The following PLA2G5 variants were observed in gnomAD, a reference collection of about 807,000 sequenced individuals.
PLA2G5 encodes the protein Ca2+-dependent phospholipase A2.
A neutral mutation model predicts 15.9 loss-of-function variants in PLA2G5; 12 were observed. The observed-to-expected ratio is 0.76, with a 90% CI of 0.48 to 1.23. PLA2G5 has a LOEUF of 1.23. Among genes scored for constraint, PLA2G5 ranks in the 50% most tolerant of loss-of-function variants. The pLI is 0.00. For synonymous variants in PLA2G5, 71 were observed against 71.4 expected, an observed-to-expected ratio of 0.99 and a Z score of 0.03; for missense variants, 169 against 177.1, an observed-to-expected ratio of 0.95 and a Z score of 0.26.
At chr1:20,082,025 C>T (rs1429862771) in intron 1 of PLA2G5, among the ~76,000 whole-genome samples, 1 of 151,388 alleles carries the variant, frequency 6.6e-6, no homozygotes. Flanking sequence ...GCACTCCAGC[C>T]TGGTGACAGA....
At chr1:20,075,870 T>C (rs9727382) in intron 1 of PLA2G5, among the ~76,000 whole-genome samples, 3 of 63,888 alleles carry the variant, frequency 4.7e-5, no homozygotes, top group African/African-American at 7.7e-5. Context: ...TTCTTTCTCT[T>C]TTTTTTTTTT....
chr1:20,064,789 G>A (rs574598359), intron 2 of PLA2G5, among the ~76,000 whole-genome samples: 1 of 152,090 alleles, frequency 6.6e-6, no homozygotes, highest in East Asian at 1.9e-4. Flanking sequence ...CTCCAGTCTT[G>A]TTTGTCTGCT....
rs772162334 is a variant in PLA2G5 at position 20,090,665 on chromosome 1, A to G, written c.390A>G (p.Gln130=). Residue 130 remains glutamine (Q), a synonymous_variant, in exon 5 of 5, where the codon CAA becomes CAG. Transcript: ENST00000375108. ...TACGGAGCTACAACCCACAGTACCA[A>G]TACTTTCCCAACATCCTCTGCTCCT... ...RNLRSYNPQY[Q]YFPNILCS The G allele has an allele frequency of 3.1e-6, 5 of 1,614,008 alleles. No individual in the cohort carries two copies. In the Middle Eastern group the frequency reaches 4.9e-4, roughly 160 times the overall value.
chr1:20,033,659 TTG>T (rs2013091659), intron 1 of PLA2G5, among the ~76,000 whole-genome samples: 1 of 152,164 alleles, frequency 6.6e-6, no homozygotes, highest in Non-Finnish European at 1.5e-5. Flanking sequence ...TTGTGGGGTG[TTG>T]CTGTATGTTT....
At chr1:20,060,038 T>G (rs1350556964) in intron 2 of PLA2G5, among the ~76,000 whole-genome samples, 3 of 151,860 alleles carry the variant, frequency 2.0e-5, no homozygotes, top group Admixed American at 1.3e-4. Flanking sequence ...AAGGAGGAAG[T>G]GTGATGTTGA....
chr1:20,089,698 TA>T, intron 3 of PLA2G5, 90 bp from the exon 4 acceptor site: 1 of 990,168 alleles, frequency 1.0e-6, no homozygotes, highest in Non-Finnish European at 1.6e-6. Flanking sequence ...TGGCCTCTGC[TA>T]AAGTGACATG....
At chr1:20,064,411 TA>T (rs2014906514) in intron 2 of PLA2G5, among the ~76,000 whole-genome samples, 1 of 151,148 alleles carries the variant, frequency 6.6e-6, no homozygotes, top group African/African-American at 2.4e-5. Context: ...CTGTCTCTAC[TA>T]AAAATACAAA....
chr1:20,074,780 T>A (rs1445019169), intron 1 of PLA2G5, among the ~76,000 whole-genome samples: 2 of 152,370 alleles, frequency 1.3e-5, no homozygotes, highest in East Asian at 3.9e-4. Context: ...AGCGCGTCCG[T>A]GCCTGGTGGG....
intron 1 of PLA2G5, among the ~76,000 whole-genome samples, chr1:20,056,062 C>CTA (rs1404651316): frequency 1.3e-5 from 2 of 152,172 alleles, no homozygotes; most frequent in African/African-American, 4.8e-5. Context: ...GGCTAAAAGG[C>CTA]TAAACACTGC....
At chr1:20,029,437 C>G (rs1359084627) in intron 1 of PLA2G5, among the ~76,000 whole-genome samples, 1 of 152,190 alleles carries the variant, frequency 6.6e-6, no homozygotes, top group Admixed American at 6.5e-5. Flanking sequence ...GTCCAGCTGC[C>G]TGTGTGTTCT....
chr1:20,073,908 G>T (rs2015524190), intron 1 of PLA2G5, among the ~76,000 whole-genome samples: 1 of 151,982 alleles, frequency 6.6e-6, no homozygotes, highest in Admixed American at 6.6e-5. Flanking sequence ...TCTGCTACCT[G>T]CTAATAATAT....
chr1:20,075,383 C>T lies in PLA2G5; in HGVS notation c.-11+4918C>T, dbSNP rs11573212. On this transcript the variant is annotated intron_variant, in intron 1 of 4. Coordinates refer to ENST00000375108, the MANE Select transcript of PLA2G5 (RefSeq NM_000929.3). Reference sequence around the variant, plus strand: ...AAGTTTCTGAGCAGTCACTTGGGGGCATGTCCCACCATCCTGTTAAAAATA... The same window carrying T: ...AAGTTTCTGAGCAGTCACTTGGGGGTATGTCCCACCATCCTGTTAAAAATA... 2.8e-4 allele frequency among the ~76,000 whole-genome samples: 42 copies of T among 152,320 alleles called. No homozygotes were observed. The South Asian group carries it at 3.9e-3, about 14-fold the overall frequency.
At chr1:20,053,967 T>C (rs2100422433) in intron 1 of PLA2G5, among the ~76,000 whole-genome samples, 1 of 152,334 alleles carries the variant, frequency 6.6e-6, no homozygotes, top group Admixed American at 6.5e-5. Context: ...AAACTTAAAA[T>C]TTAAAACAAA....
At chr1:20,038,431 G>C (rs1309480780) in intron 1 of PLA2G5, among the ~76,000 whole-genome samples, 2 of 152,130 alleles carry the variant, frequency 1.3e-5, no homozygotes, top group Admixed American at 1.3e-4. Flanking sequence ...CTTTCCTGGG[G>C]ATCAGGAATG....
At chr1:20,084,900 A>G (rs748150475) in intron 2 of PLA2G5, 30 bp downstream of exon 2, 61 of 1,526,452 alleles carry the variant, frequency 4.0e-5, no homozygotes, top group Non-Finnish European at 5.5e-5. Flanking sequence ...CCTTCGAATG[A>G]ACTTTTACCC....
intron 1 of PLA2G5, among the ~76,000 whole-genome samples, chr1:20,046,603 C>T (rs1330432223): frequency 6.6e-6 from 1 of 152,166 alleles, no homozygotes; most frequent in South Asian, 2.1e-4. Context: ...GGATGTTCTT[C>T]TTTCTTTGTG....
chr1:20,091,021 T>G lies in PLA2G5; in HGVS notation c.*329T>G, dbSNP rs961950659. 2 of 231,428 alleles carry G rather than the reference T, an allele frequency of 8.6e-6. No individual in the cohort carries two copies. Among genetic ancestry groups the G allele is most frequent in the African/African-American group, 2.2e-5 (1 of 44,486 alleles). The allele number at this position is 231,428 out of a possible 1,614,324, so 14.3% of individuals were successfully genotyped here. On this transcript the variant is annotated 3_prime_UTR_variant, in exon 5 of 5. Transcript: ENST00000375108. Reference sequence around the variant, plus strand: ...CGTCCTGGCTCCAGTTGGAACACTTTCCTGAGATGCACTTACTTCTCAGCT... The same window carrying G: ...CGTCCTGGCTCCAGTTGGAACACTTGCCTGAGATGCACTTACTTCTCAGCT...
upstream of PLA2G5, among the ~76,000 whole-genome samples, chr1:20,067,212 C>T (rs1347401513): frequency 6.6e-6 from 1 of 152,110 alleles, no homozygotes; most frequent in East Asian, 1.9e-4. Context: ...CCAGGCTAGT[C>T]TCCGAGTCCT....
intron 1 of PLA2G5, among the ~76,000 whole-genome samples, chr1:20,056,849 G>C (rs775045955): frequency 2.6e-5 from 4 of 152,110 alleles, no homozygotes; most frequent in Non-Finnish European, 5.9e-5. Flanking sequence ...GGGCCTAATA[G>C]TTTCTATTTT....
Sources: gnomAD v4.1 joint callset for allele counts (sites outside exome capture counted in the v4.1 genomes callset) on GRCh38, gnomAD v4.1.1 for gene constraint, MANE v1.5 for transcripts, NCBI Gene and HGNC (gene_info 2026-07-23, HGNC 2026-07-21) for gene names.